DNAJB6: variants seen among roughly 807,000 people sequenced by gnomAD.
The protein encoded by DNAJB6 is dnaJ homolog subfamily B member 6.
In DNAJB6, 16 loss-of-function variants were observed where a neutral mutation model predicts 42.7. The ratio of observed to expected loss-of-function variants is 0.37; its 90% CI spans 0.25 to 0.57. The LOEUF is 0.57. DNAJB6 is among the 20% of genes least tolerant of loss of function. The pLI, the probability that DNAJB6 is intolerant of heterozygous loss-of-function variation, is 0.74. For missense variants in DNAJB6, 347 were observed against 416.8 expected (o/e 0.83, Z 1.46); for synonymous variants, 170 against 163.5 (o/e 1.04, Z -0.30).
chr7:157,407,346 G>A (rs1405825215), intron 8 of DNAJB6, among the ~76,000 whole-genome samples: 1 of 152,222 alleles, frequency 6.6e-6, no homozygotes, highest in Non-Finnish European at 1.5e-5. Context: ...CTGCATCGCT[G>A]TGCCCCGGGG....
chr7:157,397,546 A>G (rs1176914778), intron 8 of DNAJB6, among the ~76,000 whole-genome samples: 1 of 152,122 alleles, frequency 6.6e-6, no homozygotes, highest in East Asian at 1.9e-4. Context: ...TTTCCTCCTC[A>G]TTGTCCTCAG....
At chr7:157,353,719 G>A (rs529418712) in intron 1 of DNAJB6, among the ~76,000 whole-genome samples, 1 of 152,104 alleles carries the variant, frequency 6.6e-6, no homozygotes, top group South Asian at 2.1e-4. Context: ...GAATGCCGCG[G>A]TGCAGTCCTG....
intron 3 of DNAJB6, among the ~76,000 whole-genome samples, chr7:157,364,734 A>C (rs1050515037): frequency 6.6e-6 from 1 of 152,220 alleles, no homozygotes; most frequent in Non-Finnish European, 1.5e-5. Flanking sequence ...TTCATATTTG[A>C]TAGAGCAGCT....
chr7:157,358,947 C>T (rs915287507), intron 2 of DNAJB6, among the ~76,000 whole-genome samples: 1 of 152,174 alleles, frequency 6.6e-6, no homozygotes, highest in African/African-American at 2.4e-5. Flanking sequence ...TTGAGTGCCC[C>T]TTTGGAAGGC....
intron 1 of DNAJB6, among the ~76,000 whole-genome samples, chr7:157,346,834 T>C (rs890840483): frequency 2.0e-5 from 3 of 152,220 alleles, no homozygotes; most frequent in African/African-American, 7.2e-5. Context: ...GATTTCTCTT[T>C]CTAGACCTTC....
chr7:157,350,980 G>C (rs1798941709), intron 1 of DNAJB6, among the ~76,000 whole-genome samples: 1 of 151,532 alleles, frequency 6.6e-6, no homozygotes, highest in South Asian at 2.1e-4. Context: ...TGTTGGCCAG[G>C]CTGGAGTGCG....
At chr7:157,383,519 T>C (rs995260407) in intron 6 of DNAJB6, among the ~76,000 whole-genome samples, 2 of 152,150 alleles carry the variant, frequency 1.3e-5, no homozygotes, top group African/African-American at 2.4e-5. Flanking sequence ...TTTGATACCA[T>C]GGAATATGCT....
chr7:157,407,620 T>C (rs185334936), intron 8 of DNAJB6, among the ~76,000 whole-genome samples: 1 of 152,126 alleles, frequency 6.6e-6, no homozygotes, highest in Non-Finnish European at 1.5e-5. Flanking sequence ...GGAGCACCTG[T>C]GCTGAGTCTC....
chr7:157,377,759 C>T (rs1206905763), intron 5 of DNAJB6, among the ~76,000 whole-genome samples: 1 of 152,230 alleles, frequency 6.6e-6, no homozygotes, highest in African/African-American at 2.4e-5. Flanking sequence ...TTTGGGAACT[C>T]TGTGCATGGC....
chr7:157,365,428 A>T (rs1291804728), intron 3 of DNAJB6, among the ~76,000 whole-genome samples: 2 of 152,222 alleles, frequency 1.3e-5, no homozygotes, highest in East Asian at 1.9e-4. Flanking sequence ...TTCGAGGGTG[A>T]ATGAGCCTGT....
chr7:157,373,189 T>C (rs1479863629), intron 5 of DNAJB6, among the ~76,000 whole-genome samples: 4 of 152,262 alleles, frequency 2.6e-5, no homozygotes, highest in Non-Finnish European at 4.4e-5. Context: ...TCACAGGTAC[T>C]GGGGATTAGG....
intron 1 of DNAJB6, among the ~76,000 whole-genome samples, chr7:157,345,062 C>T (rs776615784): frequency 5.9e-5 from 9 of 151,958 alleles, no homozygotes; most frequent in Non-Finnish European, 7.4e-5. Flanking sequence ...GGAGTGGTCT[C>T]GGCTCACTGC....
At chr7:157,357,351 G>T (rs1799360477) in intron 1 of DNAJB6, among the ~76,000 whole-genome samples, 1 of 143,070 alleles carries the variant, frequency 7.0e-6, no homozygotes, top group Non-Finnish European at 1.5e-5. Flanking sequence ...CTGGAGTCCG[G>T]TGGCATGGGC....
chr7:157,352,590 A>G (rs1377600228), intron 1 of DNAJB6, among the ~76,000 whole-genome samples: 1 of 152,080 alleles, frequency 6.6e-6, no homozygotes, highest in Admixed American at 6.6e-5. Context: ...GACTGTGCTC[A>G]GGCGGCTGTC....
intron 1 of DNAJB6, among the ~76,000 whole-genome samples, 187 bp downstream of exon 1, chr7:157,337,331 G>C (rs1383318618): frequency 6.6e-6 from 1 of 151,602 alleles, no homozygotes; most frequent in African/African-American, 2.4e-5. Flanking sequence ...GGGTCCTCTG[G>C]GTCAGGTCTG....
chr7:157,375,988 C>T (rs1408362494), intron 5 of DNAJB6, among the ~76,000 whole-genome samples: 1 of 152,128 alleles, frequency 6.6e-6, no homozygotes, highest in Non-Finnish European at 1.5e-5. Context: ...ACAGTGGGTC[C>T]TGAAATCATG....
At chr7:157,405,089 G>T (rs1795714107) in intron 8 of DNAJB6, among the ~76,000 whole-genome samples, 1 of 152,230 alleles carries the variant, frequency 6.6e-6, no homozygotes, top group Non-Finnish European at 1.5e-5. Flanking sequence ...TCACTGACAG[G>T]CCGGCCTTGG....
At chr7:157,399,372 C>T (rs939971280) in intron 8 of DNAJB6, among the ~76,000 whole-genome samples, 9 of 152,202 alleles carry the variant, frequency 5.9e-5, no homozygotes, top group African/African-American at 2.2e-4. Context: ...CAGCCCTGAC[C>T]GCATCAGGAC....
chr7:157,358,804 A>G (rs1799436339), intron 2 of DNAJB6, among the ~76,000 whole-genome samples, 167 bp downstream of exon 2: 1 of 152,250 alleles, frequency 6.6e-6, no homozygotes, highest in Admixed American at 6.5e-5. Context: ...TTTGCAGTCT[A>G]GGCCTGGGCT....
Sources: gnomAD v4.1 joint callset for allele counts (sites outside exome capture counted in the v4.1 genomes callset) on GRCh38, gnomAD v4.1.1 for gene constraint, MANE v1.5 for transcripts, NCBI Gene and HGNC (gene_info 2026-07-23, HGNC 2026-07-21) for gene names.